TULP2: variants seen among roughly 807,000 people sequenced by gnomAD.
The protein encoded by TULP2 is tubby-related protein 2.
TULP2 carries 64 observed loss-of-function variants against 60.3 expected under a neutral mutation model. The ratio of observed to expected loss-of-function variants is 1.06; its 90% CI spans 0.87 to 1.31. The LOEUF (loss-of-function observed/expected upper bound fraction) is 1.31. Among genes scored for constraint, TULP2 ranks in the 50% most tolerant of loss-of-function variants. The pLI is 0.00. For synonymous variants in TULP2, 267 were observed against 265.4 expected, an observed-to-expected ratio of 1.01 and a Z score of -0.06; for missense variants, 652 against 667.0, an observed-to-expected ratio of 0.98 and a Z score of 0.25.
chr19:48,888,601 C>G (rs771041057), intron 7 of TULP2, among the ~76,000 whole-genome samples: 9 of 152,174 alleles, frequency 5.9e-5, no homozygotes, highest in Non-Finnish European at 8.8e-5. Context: ...TTCACCAACA[C>G]CAAAGTGAGT....
intron 8 of TULP2, among the ~76,000 whole-genome samples, chr19:48,886,759 T>A (rs2037182855): frequency 6.8e-6 from 1 of 147,230 alleles, no homozygotes; most frequent in Non-Finnish European, 1.5e-5. Flanking sequence ...TGAGGGAGGG[T>A]CCAGACTATT....
chr19:48,895,597 C>T, intron 4 of TULP2, 94 bp from the exon 5 acceptor site: 2 of 1,483,532 alleles, frequency 1.3e-6, no homozygotes, highest in East Asian at 2.3e-5. Context: ...AATATCACCC[C>T]CGCCAGGCGC....
rs763698952 is a variant in TULP2 at position 48,889,526 on chromosome 19, T to A, written c.620A>T (p.Asn207Ile). 1 of 1,572,500 alleles carries A rather than the reference T, an allele frequency of 6.4e-7. No individual in the cohort carries two copies. Among genetic ancestry groups the A allele is most frequent in the Admixed American group, 1.7e-5 (1 of 59,376 alleles). The stretch of plus-strand genomic sequence containing the variant: ...TTTTCCTACCTTTTGGAAGGCCAAG[T>A]TTTCATATACACAGTCACCATCCAT... ...PGMDGDCVYE[N>I]LAFQKEEDLE... The change falls in exon 7 of 13, where the codon AAC becomes ATC. Residue 207 changes from asparagine (N) to isoleucine (I), a missense_variant. Asn to Ile is a moderately radical substitution (Grantham distance 149). Coordinates refer to ENST00000221399, the MANE Select transcript of TULP2 (RefSeq NM_003323.3).
At chr19:48,890,254 T>C (rs1409541856) in intron 6 of TULP2, among the ~76,000 whole-genome samples, 1 of 152,184 alleles carries the variant, frequency 6.6e-6, no homozygotes, top group Non-Finnish European at 1.5e-5. Flanking sequence ...CAATACTGCT[T>C]TGTAAAGCAT....
intron 6 of TULP2, among the ~76,000 whole-genome samples, chr19:48,890,467 C>T (rs546931419): frequency 2.0e-5 from 3 of 152,328 alleles, no homozygotes; most frequent in East Asian, 1.9e-4. Context: ...CGGGATCCTC[C>T]ATATGCTGAA....
chr19:48,896,641 A>G, intron 3 of TULP2, 85 bp from the exon 4 acceptor site: 1 of 1,454,494 alleles, frequency 6.9e-7, no homozygotes, highest in Non-Finnish European at 9.1e-7. Flanking sequence ...AAGGGCTCGC[A>G]TCGGCGCGAG....
chr19:48,893,372 GA>G (rs377709619), intron 6 of TULP2, among the ~76,000 whole-genome samples: 15,264 of 91,862 alleles, frequency 0.17, 784 homozygotes, highest in South Asian at 0.23. Flanking sequence ...TCTGCCTCAA[GA>G]AAAAAAAAAA....
intron 3 of TULP2, 150 bp from the exon 4 acceptor site, chr19:48,896,706 C>A: frequency 3.3e-6 from 3 of 908,456 alleles, no homozygotes. Flanking sequence ...CTCAGTTCTT[C>A]AGCAGCTCCT....
chr19:48,890,216 T>C (rs2037220153), intron 6 of TULP2, among the ~76,000 whole-genome samples: 1 of 151,738 alleles, frequency 6.6e-6, no homozygotes. Context: ...AAAACCGCCT[T>C]CGGGCTGGAG....
intron 3 of TULP2, among the ~76,000 whole-genome samples, chr19:48,896,975 C>T (rs2037288683): frequency 1.3e-5 from 2 of 151,964 alleles, no homozygotes; most frequent in South Asian, 2.1e-4. Context: ...CTGCAGCCTC[C>T]GCCTCCCGGA....
rs759455365 is a variant in TULP2, at chr19:48,895,374, G to A, written c.341C>T (p.Thr114Ile). 1.3e-5 allele frequency: 21 copies of A among 1,613,636 alleles called. No homozygotes were observed. The highest frequency in any genetic ancestry group is 1.7e-5 in the Non-Finnish European group (20 of 1,179,826). Reference protein sequence around the residue: ...RGERGLPTPRTEAVFRNLGLQ... With the variant: ...RGERGLPTPRIEAVFRNLGLQ... ...GGTGGACTCGCAAATACCTGCTTCTGTCCGCGGTGTCGGGAGGCCGCGCTC... is the reference window on the plus strand; with the variant it reads ...GGTGGACTCGCAAATACCTGCTTCTATCCGCGGTGTCGGGAGGCCGCGCTC... Residue 114 changes from threonine (T) to isoleucine (I), a missense_variant, in exon 5 of 13, where the codon ACA (threonine) becomes ATA (isoleucine). By Grantham distance (89) the Thr-to-Ile change is moderately conservative. Coordinates refer to ENST00000221399, the MANE Select transcript of TULP2 (RefSeq NM_003323.3).
At chr19:48,891,241 G>A (rs895482453) in intron 6 of TULP2, among the ~76,000 whole-genome samples, 5 of 150,786 alleles carry the variant, frequency 3.3e-5, no homozygotes, top group African/African-American at 1.2e-4. Context: ...GGAGAATGGT[G>A]TGAACCCGGG....
In TULP2 at chr19:48,897,245, A is replaced by C. The variant is rs560987581; in HGVS notation, c.84+100T>G. The C allele has an allele frequency of 6.0e-6, 8 of 1,324,978 alleles. No homozygotes were observed. In the East Asian group the frequency reaches 1.9e-4, roughly 32 times the overall value. The allele number at this position is 1,324,978 out of a possible 1,614,324, so 82.1% of individuals were successfully genotyped here. The stretch of plus-strand genomic sequence containing the variant: ...GAAAACTCAAGGATGAGAGACAGCC[A>C]ACACGGGCTGGGAGTCCTAGAGCAA... On this transcript the variant is annotated intron_variant, in intron 3 of 12. Coordinates refer to ENST00000221399, the MANE Select transcript of TULP2 (RefSeq NM_003323.3). This position sits in a 1 kb window ranked among gnomAD's most constrained non-coding sequence, Gnocchi z 4.0.
intron 6 of TULP2, among the ~76,000 whole-genome samples, chr19:48,891,467 T>A (rs2037232706): frequency 6.6e-6 from 1 of 151,718 alleles, no homozygotes; most frequent in Non-Finnish European, 1.5e-5. Context: ...CGGTCTCTAC[T>A]AAAAATACAA....
At position 48,897,791 on chromosome 19, in the gene TULP2, C is replaced by T. The variant is rs759315553; in HGVS notation, c.32+46G>A. The T allele has an allele frequency of 1.2e-6, 2 of 1,609,782 alleles. No individual in the cohort carries two copies. The highest frequency in any genetic ancestry group is 1.1e-5 in the South Asian group (1 of 90,952). On this transcript the variant is annotated intron_variant, in intron 2 of 12. Coordinates refer to ENST00000221399, the MANE Select transcript of TULP2 (RefSeq NM_003323.3). The surrounding 1 kb of genome is among the most constrained non-coding windows in gnomAD (Gnocchi z 4.0). ...AGCCAGAGCCGAGTGCACGGGGTCC[C>T]CAGCCCTTTCCACCTCCACCCCTAC...
intron 9 of TULP2, among the ~76,000 whole-genome samples, chr19:48,885,027 A>G (rs751544310): frequency 2.0e-5 from 3 of 149,354 alleles, no homozygotes; most frequent in Non-Finnish European, 4.4e-5. Context: ...CAGCCTCCCA[A>G]GTAGCTGGGA....
chr19:48,885,426 C>T lies in TULP2; in HGVS notation c.1061+22G>A, dbSNP rs371807069. 3.7e-6 allele frequency: 6 copies of T among 1,605,382 alleles called. No individual in the cohort carries two copies. The African/African-American group carries it at 8.0e-5, about 21-fold the overall frequency. ...AAGCTCCCTGCTACCTGCTCCTCAC[C>T]ACATGTCAGAGCTCTACCCACCTGA... On this transcript the variant is annotated intron_variant, in intron 9 of 12. Transcript: ENST00000221399.
Position 48,882,219 on chromosome 19 carries a change from G to A in TULP2, c.1276-16C>T, listed in dbSNP as rs759772373. On this transcript the variant is annotated splice_polypyrimidine_tract_variant and intron_variant, in intron 11 of 12. Transcript: ENST00000221399. ...ACTCCTGTTCCTAGAAGGTAAAGAA[G>A]GGGCTGTGGTTTTCTCAGAGGCTTT... The A allele has an allele frequency of 2.4e-5, 39 of 1,613,670 alleles. No homozygotes were observed. In the African/African-American group the frequency reaches 5.1e-4, roughly 21 times the overall value.
chr19:48,885,624 C>A, intron 8 of TULP2, 64 bp from the exon 9 acceptor site: 1 of 1,468,866 alleles, frequency 6.8e-7, no homozygotes, highest in Non-Finnish European at 9.5e-7. Context: ...TGGCTCATGC[C>A]TGTAATCCCT....
Sources: allele counts gnomAD v4.1 joint callset (sites outside exome capture counted in the v4.1 genomes callset), GRCh38; gene constraint gnomAD v4.1.1; non-coding constraint Gnocchi (gnomAD v3.1); transcripts MANE v1.5; gene names NCBI Gene and HGNC (gene_info 2026-07-23, HGNC 2026-07-21).